Variants in THSD7B observed in about 807,000 individuals in gnomAD.
The protein encoded by THSD7B is thrombospondin type-1 domain-containing protein 7B.
Under a neutral mutation model 213.6 loss-of-function variants are expected in THSD7B, and 138 were observed. That is an observed-to-expected ratio of 0.65 (90% CI 0.56 to 0.74). THSD7B has a LOEUF of 0.74. Among genes scored for constraint, THSD7B ranks in the 30% least tolerant of loss-of-function variants. The pLI is 0.00. For synonymous variants in THSD7B, 742 were observed against 687.0 expected (o/e 1.08, Z -1.25); for missense variants, 1,931 against 1,991.5 (o/e 0.97, Z 0.58).
At chr2:137,022,912 T>C (rs867926072) in intron 2 of THSD7B, among the ~76,000 whole-genome samples, 1 of 152,178 alleles carries the variant, frequency 6.6e-6, no homozygotes, top group African/African-American at 2.4e-5. Flanking sequence ...AATATTTAAA[T>C]GAATAAGCAT....
At chr2:137,658,215 C>A (rs1432835164) in intron 24 of THSD7B, among the ~76,000 whole-genome samples, 1 of 152,168 alleles carries the variant, frequency 6.6e-6, no homozygotes, top group East Asian at 1.9e-4. Context: ...AAATAATTTA[C>A]TTTAAGCTAC....
intron 15 of THSD7B, among the ~76,000 whole-genome samples, chr2:137,457,431 G>A (rs1016294381): frequency 6.6e-6 from 1 of 152,168 alleles, no homozygotes; most frequent in African/African-American, 2.4e-5. Flanking sequence ...ATTGGCTGGA[G>A]ACAGCTATAA....
chr2:137,562,299 A>G (rs1370105058), intron 15 of THSD7B, among the ~76,000 whole-genome samples: 2 of 152,144 alleles, frequency 1.3e-5, no homozygotes, highest in Non-Finnish European at 2.9e-5. Flanking sequence ...AAGCAGGCCT[A>G]TAATTGAGCC....
At chr2:137,548,729 T>G (rs1052398514) in intron 15 of THSD7B, among the ~76,000 whole-genome samples, 1 of 152,156 alleles carries the variant, frequency 6.6e-6, no homozygotes, top group South Asian at 2.1e-4. Flanking sequence ...TTTCAAAGTA[T>G]AGTAGTTCAT....
At chr2:137,269,661 A>T (rs1287969967) in intron 10 of THSD7B, among the ~76,000 whole-genome samples, 1 of 152,210 alleles carries the variant, frequency 6.6e-6, no homozygotes, top group Non-Finnish European at 1.5e-5. Flanking sequence ...ATTGACATTA[A>T]TTGGGAGTAG....
At chr2:137,263,263 A>G (rs1010702944) in intron 10 of THSD7B, among the ~76,000 whole-genome samples, 1 of 140,910 alleles carries the variant, frequency 7.1e-6, no homozygotes, top group African/African-American at 2.7e-5. Context: ...TATATATATA[A>G]TATATATATA....
At position 137,617,386 on chromosome 2, in the gene THSD7B, G is replaced by A. The variant is rs201153627; in HGVS notation, c.3566-1006G>A. Among the ~76,000 whole-genome samples, 4 of 152,150 alleles carry A rather than the reference G, an allele frequency of 2.6e-5. No individual in the cohort carries two copies. The East Asian group carries it at 7.7e-4, about 29-fold the overall frequency. On this transcript the variant is annotated intron_variant, in intron 18 of 27. Transcript: ENST00000409968. ...TCTACTGACACCAAAAATAACAGTT[G>A]TTTAAAAATCAAATTAACTTTGGGA...
chr2:136,917,943 A>G (rs936666280), intron 2 of THSD7B, among the ~76,000 whole-genome samples: 11 of 152,226 alleles, frequency 7.2e-5, no homozygotes, highest in African/African-American at 2.7e-4. Context: ...ATTCTAGAAC[A>G]CTAATTGCAG....
At chr2:137,114,878 A>G (rs1688416781) in intron 4 of THSD7B, among the ~76,000 whole-genome samples, 3 of 151,902 alleles carry the variant, frequency 2.0e-5, no homozygotes, top group Middle Eastern at 3.2e-3. Context: ...CTCACTGTTT[A>G]TCCATATCAC....
chr2:136,819,151 T>C (rs997962853), intron 1 of THSD7B, among the ~76,000 whole-genome samples: 20 of 152,186 alleles, frequency 1.3e-4, no homozygotes, highest in African/African-American at 3.4e-4. Flanking sequence ...AAAAAATATA[T>C]AATAGGCAAA....
intron 5 of THSD7B, among the ~76,000 whole-genome samples, chr2:137,129,173 G>C (rs1284417838): frequency 2.0e-5 from 3 of 152,082 alleles, no homozygotes; most frequent in Admixed American, 6.6e-5. Flanking sequence ...CAAGTTGCTT[G>C]GGGGTGGAAT....
At chr2:136,860,606 A>C (rs1308508951) in intron 1 of THSD7B, among the ~76,000 whole-genome samples, 1 of 152,186 alleles carries the variant, frequency 6.6e-6, no homozygotes, top group Non-Finnish European at 1.5e-5. Flanking sequence ...ACTGACATCT[A>C]ATCCATCAGC....
chr2:137,033,060 T>C (rs1270271087), intron 2 of THSD7B, among the ~76,000 whole-genome samples: 6 of 152,234 alleles, frequency 3.9e-5, no homozygotes, highest in Non-Finnish European at 7.3e-5. Context: ...TTCATTGTTA[T>C]GTGGAATAGC....
At chr2:136,890,565 A>G (rs71348725) in intron 2 of THSD7B, among the ~76,000 whole-genome samples, 35,894 of 71,082 alleles carry the variant, frequency 0.5, 10,112 homozygotes, top group Non-Finnish European at 0.58. Context: ...TTTAAGACGG[A>G]GTCTCACTCT....
intron 12 of THSD7B, among the ~76,000 whole-genome samples, chr2:137,284,095 C>A (rs1463258978): frequency 1.3e-5 from 2 of 152,062 alleles, no homozygotes; most frequent in Non-Finnish European, 2.9e-5. Flanking sequence ...TTGGTCTATT[C>A]AGAGATTCCA....
chr2:137,646,021 A>G (rs1300143241), intron 21 of THSD7B, among the ~76,000 whole-genome samples: 1 of 152,242 alleles, frequency 6.6e-6, no homozygotes, highest in Non-Finnish European at 1.5e-5. Context: ...ATTTAGATTT[A>G]AAATTATGGT....
At chr2:136,785,652 A>G (rs1254301662) in intron 1 of THSD7B, among the ~76,000 whole-genome samples, 2 of 152,142 alleles carry the variant, frequency 1.3e-5, no homozygotes, top group South Asian at 2.1e-4. Flanking sequence ...CTGTTTTCTG[A>G]TTCTCTTACA....
intron 26 of THSD7B, among the ~76,000 whole-genome samples, chr2:137,665,034 A>G (rs934012633): frequency 2.6e-5 from 4 of 152,184 alleles, no homozygotes; most frequent in Non-Finnish European, 4.4e-5. Context: ...AGGAGAAGCA[A>G]TATTTATACC....
At chr2:137,470,784 T>C (rs142826594) in intron 15 of THSD7B, among the ~76,000 whole-genome samples, 1 of 152,272 alleles carries the variant, frequency 6.6e-6, no homozygotes, top group East Asian at 1.9e-4. Context: ...CCTTTAAAAA[T>C]CAGAATGTCT....
Sources: allele counts gnomAD v4.1 joint callset (sites outside exome capture counted in the v4.1 genomes callset), GRCh38; gene constraint gnomAD v4.1.1; transcripts MANE v1.5; gene names NCBI Gene and HGNC (gene_info 2026-07-23, HGNC 2026-07-21).